KIF20B: variants seen among roughly 807,000 people sequenced by gnomAD.
The protein encoded by KIF20B is kinesin-like protein KIF20B.
In KIF20B, 188 loss-of-function variants were observed where a neutral mutation model predicts 232.5. The observed-to-expected ratio is 0.81, with a 90% confidence interval of 0.72 to 0.91. The LOEUF (loss-of-function observed/expected upper bound fraction) is 0.91, where lower values mean the gene tolerates loss of function less well. Ranked by LOEUF, KIF20B falls within the 40% of genes least tolerant of loss-of-function variation. KIF20B has a pLI of 0.00. For missense variants in KIF20B, 2,154 were observed against 2,055.9 expected (o/e 1.05, Z -0.92); for synonymous variants, 712 against 683.0 (o/e 1.04, Z -0.66).
chr10:89,725,706 T>C (rs1843170666), intron 15 of KIF20B, among the ~76,000 whole-genome samples: 1 of 152,240 alleles, frequency 6.6e-6, no homozygotes, highest in South Asian at 2.1e-4. Flanking sequence ...CCCAGGTGGC[T>C]GAGATTACAG....
At chr10:89,702,211 G>A (rs911272029) in intron 1 of KIF20B, among the ~76,000 whole-genome samples, 1 of 152,074 alleles carries the variant, frequency 6.6e-6, no homozygotes, top group Non-Finnish European at 1.5e-5. Context: ...TTTGCGGGGG[G>A]AGCCCTGTGG....
At position 89,719,525 on chromosome 10, in the gene KIF20B, A is replaced by G. The variant is rs765013645; in HGVS notation, c.1541A>G (p.Asn514Ser). 1 of 1,612,260 alleles carries G rather than the reference A, an allele frequency of 6.2e-7. No individual in the cohort carries two copies. The highest frequency in any genetic ancestry group is 1.3e-5 in the African/African-American group (1 of 74,900). ...AGTAATTCAAACAGTAAAATATTAA[A>G]TGTAAAAAGAGCCACCATTTCATGG... ...LDSNSNSKIL[N>S]VKRATISWEN... is the part of the protein sequence containing the mutation. The change falls in exon 13 of 33, where the codon AAT (asparagine) becomes AGT (serine). Residue 514 changes from asparagine (N) to serine (S), a missense_variant. Physicochemically the swap from Asn to Ser is conservative, Grantham distance 46. Transcript: ENST00000371728.
At chr10:89,725,367 T>TTATA (rs111527643) in intron 15 of KIF20B, among the ~76,000 whole-genome samples, 1 of 150,898 alleles carries the variant, frequency 6.6e-6, no homozygotes, top group African/African-American at 2.4e-5. Flanking sequence ...TATACCTCTG[T>TTATA]TATATATATA....
intron 21 of KIF20B, among the ~76,000 whole-genome samples, chr10:89,742,174 A>G (rs1425883120): frequency 6.6e-6 from 1 of 152,210 alleles, no homozygotes; most frequent in Non-Finnish European, 1.5e-5. Flanking sequence ...ACCTCACTGC[A>G]AAAGTTATGG....
rs926935231 is a variant in KIF20B at position 89,754,630 on chromosome 10, A to T, written c.4460A>T (p.Tyr1487Phe). The T allele has an allele frequency of 1.2e-6, 2 of 1,602,476 alleles. No homozygotes were observed. The highest frequency in any genetic ancestry group is 1.7e-6 in the Non-Finnish European group (2 of 1,175,102). The part of the protein sequence containing the change: ...ENIRNKEMKK[Y>F]AEDRERFFKQ... The stretch of plus-strand genomic sequence containing the variant: ...ATACGAAATAAAGAGATGAAAAAAT[A>T]TGCTGAGGACAGGGAGCGTTTTTTT... The change falls in exon 26 of 33, where the codon TAT becomes TTT. Residue 1487 changes from tyrosine to phenylalanine, a missense_variant. Tyr to Phe is a conservative substitution (Grantham distance 22, BLOSUM62 3). Coordinates refer to ENST00000371728, the MANE Select transcript of KIF20B (RefSeq NM_001284259.2).
intron 22 of KIF20B, among the ~76,000 whole-genome samples, chr10:89,745,302 A>AT (rs369718147): frequency 2.0e-5 from 3 of 152,200 alleles, no homozygotes; most frequent in African/African-American, 7.2e-5. Flanking sequence ...AGGCAGACGG[A>AT]TCACAAGGTC....
Position 89,737,810 on chromosome 10 carries a change from A to G in KIF20B, c.2969A>G (p.Asp990Gly), listed in dbSNP as rs768593820. 2.5e-5 allele frequency: 41 copies of G among 1,613,302 alleles called. 1 individual carries two copies. The South Asian group carries it at 3.4e-4, about 13-fold the overall frequency. ...SQIKLMHTKIDELRTLDSVSQ... is the reference protein window; with the variant it reads ...SQIKLMHTKIGELRTLDSVSQ... ...ATAAAATTAATGCACACGAAAATAG[A>G]CGAACTACGTACTCTTGATTCAGTT... is the stretch of plus-strand genomic sequence containing the variant. Residue 990 changes from aspartate (D) to glycine (G), a missense_variant, in exon 20 of 33, where the codon GAC becomes GGC. By Grantham distance (94) the Asp-to-Gly change is moderately conservative. Coordinates refer to ENST00000371728, the MANE Select transcript of KIF20B (RefSeq NM_001284259.2).
intron 13 of KIF20B, among the ~76,000 whole-genome samples, chr10:89,722,761 C>T (rs981624800): frequency 1.3e-4 from 17 of 129,464 alleles, no homozygotes; most frequent in African/African-American, 5.0e-4. Context: ...TATTGTTTTA[C>T]TCAGAAAGTA....
In KIF20B at chr10:89,743,912, C is replaced by T. The variant is rs770466098; in HGVS notation, c.4020C>T (p.Thr1340=). 38 of 1,583,986 alleles carry T rather than the reference C, an allele frequency of 2.4e-5. 1 individual carries two copies. In the South Asian group the frequency reaches 4.2e-4, roughly 17 times the overall value. Reference sequence around the variant, plus strand: ...AGGAATTAGATATGAAACAGCGAACCATTCAGCAACTCAAGGTAAACAGTT... The same window carrying T: ...AGGAATTAGATATGAAACAGCGAACTATTCAGCAACTCAAGGTAAACAGTT... The part of the protein sequence containing the change: ...CSQELDMKQR[T]IQQLKEQLNN... The change falls in exon 22 of 33, where the codon ACC becomes ACT. Residue 1340 remains threonine (T), a synonymous_variant. Transcript: ENST00000371728.
intron 29 of KIF20B, among the ~76,000 whole-genome samples, chr10:89,764,353 A>G (rs1842309096): frequency 6.6e-6 from 1 of 152,158 alleles, no homozygotes; most frequent in Non-Finnish European, 1.5e-5. Context: ...GCCACAATAA[A>G]CATATGTGTG....
At chr10:89,705,585 AAAATC>A (rs1202118886) in intron 2 of KIF20B, 144 bp downstream of exon 2, 1 of 644,086 alleles carries the variant, frequency 1.6e-6, no homozygotes, top group Non-Finnish European at 2.5e-6. Context: ...TAGTGGAAGA[AAAATC>A]AAAATAGGAA....
At chr10:89,732,476 A>G (rs1371284376) in intron 18 of KIF20B, among the ~76,000 whole-genome samples, 1 of 147,006 alleles carries the variant, frequency 6.8e-6, no homozygotes, top group Non-Finnish European at 1.5e-5. Context: ...AAAAGTCTAA[A>G]TGACGTATCT....
intron 26 of KIF20B, among the ~76,000 whole-genome samples, chr10:89,755,426 TC>T (rs1250499341): frequency 2.6e-4 from 7 of 27,114 alleles, no homozygotes; most frequent in African/African-American, 7.0e-4. Context: ...TTCCCTCCCC[TC>T]CCCCCTTTCC....
intron 17 of KIF20B, among the ~76,000 whole-genome samples, chr10:89,728,293 T>A (rs1163665196): frequency 6.6e-6 from 1 of 152,164 alleles, no homozygotes; most frequent in Non-Finnish European, 1.5e-5. Context: ...TTAAGCTATA[T>A]AAATAGAAAA....
chr10:89,748,002 A>G (rs1044625922), intron 23 of KIF20B, among the ~76,000 whole-genome samples: 5 of 152,206 alleles, frequency 3.3e-5, no homozygotes, highest in African/African-American at 1.2e-4. Flanking sequence ...TGTTTGAAAT[A>G]TTACAAAATT....
rs768625398 is a variant in KIF20B at position 89,737,863 on chromosome 10, A to G, written c.3022A>G (p.Asn1008Asp). 6.2e-7 allele frequency: 1 copy of G among 1,613,536 alleles called. No individual in the cohort carries two copies. The highest frequency in any genetic ancestry group is 8.5e-7 in the Non-Finnish European group (1 of 1,179,574). Residue 1008 changes from asparagine (N) to aspartate (D), a missense_variant, in exon 20 of 33, where the codon AAT becomes GAT. Coordinates refer to ENST00000371728, the MANE Select transcript of KIF20B (RefSeq NM_001284259.2). The part of the protein sequence containing the change: ...VSQISNIDLL[N>D]LRDLSNGSEE... ...TCAGATTTCAAACATAGATTTGCTC[A>G]ATCTCAGGGATCTGTCAAATGGTTC...
chr10:89,771,210 T>A (rs1340005115), intron 31 of KIF20B, among the ~76,000 whole-genome samples: 3 of 152,054 alleles, frequency 2.0e-5, no homozygotes, highest in Admixed American at 6.6e-5. Flanking sequence ...CCAGCATCAC[T>A]TAATCTTTAT....
intron 1 of KIF20B, among the ~76,000 whole-genome samples, chr10:89,704,095 C>T (rs924303645): frequency 6.6e-6 from 1 of 152,112 alleles, no homozygotes; most frequent in Non-Finnish European, 1.5e-5. Flanking sequence ...GTCCTTGATC[C>T]AGTGGGCTTT....
Position 89,774,101 on chromosome 10 carries a change from T to C in KIF20B, c.*53T>C. 1 of 1,097,390 alleles carries C rather than the reference T, an allele frequency of 9.1e-7. No individual in the cohort carries two copies. Among genetic ancestry groups the C allele is most frequent in the Non-Finnish European group, 1.3e-6 (1 of 747,934 alleles). 68.0% of individuals were successfully genotyped at this position (1,097,390 alleles called of 1,614,324 possible). A position where few individuals can be genotyped will look rare whatever the true frequency, so the allele number is the denominator to read the frequency against. ...TTTTATAGTCATAGTCATTGGAACT[T>C]GCATCCTGTATTGTAAATATAAATG... is the stretch of plus-strand genomic sequence containing the variant. On this transcript the variant is annotated 3_prime_UTR_variant, in exon 33 of 33. Coordinates refer to ENST00000371728, the MANE Select transcript of KIF20B (RefSeq NM_001284259.2).
Sources: gnomAD v4.1 joint callset for allele counts (sites outside exome capture counted in the v4.1 genomes callset) on GRCh38, gnomAD v4.1.1 for gene constraint, MANE v1.5 for transcripts, NCBI Gene and HGNC (gene_info 2026-07-23, HGNC 2026-07-21) for gene names.